ABCA13: variants seen among roughly 807,000 people sequenced by gnomAD.
The protein encoded by ABCA13 is ATP-binding cassette sub-family A member 13.
ABCA13 carries 476 observed loss-of-function variants against 478.7 expected under a neutral mutation model. That is an observed-to-expected ratio of 0.99 (90% CI 0.92 to 1.07). ABCA13 has a LOEUF of 1.07. Among genes scored for constraint, ABCA13 ranks in the 50% least tolerant of loss-of-function variants. The pLI, the probability that ABCA13 is intolerant of heterozygous loss-of-function variation, is 0.00. For missense variants in ABCA13, 6,060 were observed against 5,910.6 expected (o/e 1.03, Z -0.83); for synonymous variants, 2,252 against 2,158.9 (o/e 1.04, Z -1.20).
In ABCA13 at chr7:48,273,187, C is replaced by T; in HGVS notation, c.3521C>T (p.Ser1174Phe). Reference sequence around the variant, plus strand: ...AAGTTTGACATGAATGTTTTCACATCTCTTCATCATGGTTTCACTCAGCTT... The same window carrying T: ...AAGTTTGACATGAATGTTTTCACATTTCTTCATCATGGTTTCACTCAGCTT... ...LFKFDMNVFT[S>F]LHHGFTQLLD... Residue 1174 changes from serine (S) to phenylalanine (F), a missense_variant, in exon 17 of 62, where the codon TCT becomes TTT. Ser to Phe is a radical substitution (Grantham distance 155). Transcript: ENST00000435803. The T allele has an allele frequency of 6.2e-7, 1 of 1,613,680 alleles. No individual in the cohort carries two copies. Among genetic ancestry groups the T allele is most frequent in the African/African-American group, 1.3e-5 (1 of 75,014 alleles).
intron 48 of ABCA13, among the ~76,000 whole-genome samples, chr7:48,493,124 C>T (rs2130730074): frequency 6.6e-6 from 1 of 152,210 alleles, no homozygotes; most frequent in South Asian, 2.1e-4. Context: ...TGTTTACATT[C>T]CTTTGTTAAT....
chr7:48,319,351 A>C (rs555696088), intron 27 of ABCA13, among the ~76,000 whole-genome samples: 12 of 152,190 alleles, frequency 7.9e-5, no homozygotes, highest in Non-Finnish European at 1.6e-4. Context: ...CTGGTTTTGC[A>C]CTTGTAAAGC....
intron 59 of ABCA13, among the ~76,000 whole-genome samples, chr7:48,641,053 C>T (rs1031846807): frequency 2.6e-5 from 4 of 151,946 alleles, no homozygotes; most frequent in East Asian, 1.9e-4. Context: ...TTAGTTCAAA[C>T]GAAATTTTAA....
intron 55 of ABCA13, among the ~76,000 whole-genome samples, chr7:48,546,862 A>G (rs1466147657): frequency 1.3e-5 from 2 of 151,814 alleles, no homozygotes; most frequent in Non-Finnish European, 2.9e-5. Flanking sequence ...TAAATGTTTC[A>G]TCTTCCTTTA....
At chr7:48,504,850 G>T (rs1831062866) in intron 48 of ABCA13, among the ~76,000 whole-genome samples, 1 of 152,194 alleles carries the variant, frequency 6.6e-6, no homozygotes, top group Non-Finnish European at 1.5e-5. Context: ...GAAGCTCCCT[G>T]TGAGTCAACA....
At chr7:48,483,590 G>C (rs1301283316) in intron 47 of ABCA13, among the ~76,000 whole-genome samples, 1 of 152,186 alleles carries the variant, frequency 6.6e-6, no homozygotes, top group African/African-American at 2.4e-5. Context: ...ACTCTTAGGA[G>C]TCCTGGATTT....
intron 55 of ABCA13, among the ~76,000 whole-genome samples, chr7:48,537,151 T>C: frequency 6.6e-6 from 1 of 152,206 alleles, no homozygotes; most frequent in East Asian, 1.9e-4. Context: ...TTTTTGCTTT[T>C]CAAATTTATC....
At chr7:48,368,344 G>A (rs775432216) in intron 32 of ABCA13, among the ~76,000 whole-genome samples, 11 of 151,894 alleles carry the variant, frequency 7.2e-5, no homozygotes, top group Non-Finnish European at 1.5e-4. Context: ...TTGGGGAACA[G>A]GTGGTGTTTG....
intron 58 of ABCA13, among the ~76,000 whole-genome samples, chr7:48,608,402 T>C (rs1791685909): frequency 6.6e-6 from 1 of 152,252 alleles, no homozygotes; most frequent in Non-Finnish European, 1.5e-5. Flanking sequence ...TATGTGCATG[T>C]GGACAGCCTC....
At chr7:48,206,423 C>T (rs1190395196) in intron 3 of ABCA13, among the ~76,000 whole-genome samples, 1 of 152,132 alleles carries the variant, frequency 6.6e-6, no homozygotes, top group African/African-American at 2.4e-5. Flanking sequence ...GTAGTAGGCT[C>T]CACCATCTAG....
At chr7:48,569,571 C>T (rs1303988024) in intron 55 of ABCA13, among the ~76,000 whole-genome samples, 3 of 152,250 alleles carry the variant, frequency 2.0e-5, no homozygotes, top group African/African-American at 7.2e-5. Flanking sequence ...TTCACCCAGG[C>T]TGGAGTGCAG....
chr7:48,332,692 C>T (rs1164591451), intron 27 of ABCA13, among the ~76,000 whole-genome samples: 1 of 152,010 alleles, frequency 6.6e-6, no homozygotes, highest in Non-Finnish European at 1.5e-5. Context: ...ATCTTCATTC[C>T]TAAAAGATAT....
At chr7:48,392,236 T>A in intron 38 of ABCA13, 97 bp downstream of exon 38, 1 of 1,142,186 alleles carries the variant, frequency 8.8e-7, no homozygotes, top group Non-Finnish European at 1.3e-6. Context: ...CATCTGTGTC[T>A]ACATTTATAA....
chr7:48,281,186 T>G (rs1474052283), intron 18 of ABCA13, among the ~76,000 whole-genome samples, 157 bp from the exon 19 acceptor site: 1 of 152,256 alleles, frequency 6.6e-6, no homozygotes, highest in African/African-American at 2.4e-5. Flanking sequence ...CAGAATGTGT[T>G]ATCTGTGTTT....
chr7:48,298,318 T>G, intron 22 of ABCA13, 48 bp from the exon 23 acceptor site: 1 of 1,540,008 alleles, frequency 6.5e-7, no homozygotes, highest in Non-Finnish European at 8.8e-7. Flanking sequence ...CAGTCAGTAA[T>G]GATCTAAACC....
chr7:48,254,012 C>T (rs538719771), intron 15 of ABCA13, among the ~76,000 whole-genome samples: 1 of 150,984 alleles, frequency 6.6e-6, no homozygotes, highest in East Asian at 1.9e-4. Context: ...TTTCTTTAGT[C>T]TCTATGCCTC....
intron 43 of ABCA13, among the ~76,000 whole-genome samples, chr7:48,462,594 C>T (rs972909130): frequency 2.0e-5 from 3 of 151,956 alleles, no homozygotes; most frequent in Admixed American, 6.5e-5. Context: ...CTACAACCTC[C>T]ACCTCCTGGG....
Position 48,273,851 on chromosome 7 carries a change from T to G in ABCA13, c.4185T>G (p.Ile1395Met), listed in dbSNP as rs1181969578. ...ENTISSLKGC[I>M]VWLDVINHLY... Reference sequence around the variant, plus strand: ...CAATTAGCAGTCTGAAAGGATGCATTGTATGGTTAGATGTCATAAACCATT... The same window carrying G: ...CAATTAGCAGTCTGAAAGGATGCATGGTATGGTTAGATGTCATAAACCATT... The change falls in exon 17 of 62, where the codon ATT becomes ATG. Residue 1395 changes from isoleucine to methionine, a missense_variant. Transcript: ENST00000435803. 6.2e-7 allele frequency: 1 copy of G among 1,612,512 alleles called. No individual in the cohort carries two copies. Among genetic ancestry groups the G allele is most frequent in the African/African-American group, 1.3e-5 (1 of 75,032 alleles).
chr7:48,487,308 C>CA lies in ABCA13; in HGVS notation c.13183-1918dup, dbSNP rs201286870. Among the ~76,000 whole-genome samples the CA allele has an allele frequency of 4.5e-3, 502 of 110,746 alleles. 8 individuals are homozygous for CA. The highest frequency in any genetic ancestry group is 0.011 in the African/African-American group (289 of 27,050). 72.7% of individuals were successfully genotyped at this position (110,746 alleles called of 152,430 possible). A position where few individuals can be genotyped will look rare whatever the true frequency, so the allele number is the denominator to read the frequency against. On this transcript the variant is annotated intron_variant, in intron 47 of 61. Transcript: ENST00000435803. Reference sequence around the variant, plus strand: ...CTGGGCAACGAGCAAAACTGTGTCTCAAAAAAAAAACAAAACAAAACAAAA... The same window carrying CA: ...CTGGGCAACGAGCAAAACTGTGTCTCAAAAAAAAAAACAAAACAAAACAAAA...
Sources: allele counts gnomAD v4.1 joint callset (sites outside exome capture counted in the v4.1 genomes callset), GRCh38; gene constraint gnomAD v4.1.1; transcripts MANE v1.5; gene names NCBI Gene and HGNC (gene_info 2026-07-23, HGNC 2026-07-21).